The following PHF21A variants were observed in gnomAD, a reference collection of about 807,000 sequenced individuals.
The protein encoded by PHF21A is PHD finger protein 21A.
In PHF21A, 11 loss-of-function variants were observed where a neutral mutation model predicts 82.5. The observed-to-expected ratio is 0.13, with a 90% confidence interval of 0.08 to 0.22. PHF21A has a LOEUF of 0.22. Among genes scored for constraint, PHF21A ranks in the 10% least tolerant of loss-of-function variants. PHF21A has a pLI of 1.00. For missense variants in PHF21A, 579 were observed against 837.8 expected (o/e 0.69, Z 3.81); for synonymous variants, 297 against 302.8 (o/e 0.98, Z 0.20).
At chr11:46,002,057 A>C (rs1301257619) in intron 6 of PHF21A, among the ~76,000 whole-genome samples, 1 of 152,236 alleles carries the variant, frequency 6.6e-6, no homozygotes, top group Non-Finnish European at 1.5e-5. Context: ...GACTATTTTT[A>C]GTGAAAACAA....
intron 6 of PHF21A, among the ~76,000 whole-genome samples, chr11:46,021,936 G>A (rs2095640442): frequency 1.3e-5 from 2 of 152,030 alleles, no homozygotes; most frequent in Non-Finnish European, 1.5e-5. Context: ...AACCACCATG[G>A]GAACAGAAAA....
At position 45,987,778 on chromosome 11, in the gene PHF21A, C is replaced by G. The variant is rs567482049; in HGVS notation, c.154-7812G>C. ...AGCTCCAATAGAGCAAAACGTCTGT[C>G]CCTCTGTAACTGTCTGTTTACAGAA... On this transcript the variant is annotated intron_variant, in intron 6 of 18. Coordinates refer to ENST00000676320, the MANE Select transcript of PHF21A (RefSeq NM_001352027.3). Among the ~76,000 whole-genome samples, 6 of 151,748 alleles carry G rather than the reference C, an allele frequency of 4.0e-5. No homozygotes were observed. The East Asian group carries it at 1.2e-3, about 29-fold the overall frequency.
intron 6 of PHF21A, among the ~76,000 whole-genome samples, chr11:45,994,907 A>G (rs1263461642): frequency 6.6e-6 from 1 of 152,148 alleles, no homozygotes; most frequent in East Asian, 1.9e-4. Flanking sequence ...TCTGTGCTGC[A>G]TTTTCCTTAC....
rs1392986227 is a variant in PHF21A, at chr11:45,933,901, T to A, written c.*67A>T. The A allele has an allele frequency of 1.6e-5, 23 of 1,420,622 alleles. No individual in the cohort carries two copies. The highest frequency in any genetic ancestry group is 4.6e-5 in the South Asian group (3 of 64,892). 88.0% of individuals were successfully genotyped at this position (1,420,622 alleles called of 1,614,324 possible). ...CTTTCCAGAAATCCGGCTTTGCTTT[T>A]CTAGAGTCTTCAGTGTTCTGTTCTC... On this transcript the variant is annotated 3_prime_UTR_variant, in exon 19 of 19. Coordinates refer to ENST00000676320, the MANE Select transcript of PHF21A (RefSeq NM_001352027.3).
chr11:46,093,405 G>A (rs779343851), intron 1 of PHF21A, among the ~76,000 whole-genome samples: 3 of 152,096 alleles, frequency 2.0e-5, no homozygotes, highest in African/African-American at 4.8e-5. Context: ...CCAAACATAC[G>A]ATAAAATTAT....
intron 15 of PHF21A, among the ~76,000 whole-genome samples, chr11:45,939,307 C>A (rs2089874617): frequency 6.6e-6 from 1 of 152,136 alleles, no homozygotes; most frequent in Non-Finnish European, 1.5e-5. Flanking sequence ...ATGATACAAA[C>A]AATTCTCATC....
intron 18 of PHF21A, chr11:45,935,217 C>A: frequency 7.7e-7 from 1 of 1,292,978 alleles, no homozygotes; most frequent in Non-Finnish European, 1.0e-6. Flanking sequence ...CGAGGGAGGG[C>A]CGTACGGATG....
intron 1 of PHF21A, among the ~76,000 whole-genome samples, chr11:46,107,460 A>T (rs2097164682): frequency 6.6e-6 from 1 of 152,222 alleles, no homozygotes; most frequent in African/African-American, 2.4e-5. Context: ...TACCAATGAG[A>T]AAAACTAAAC....
chr11:46,080,936 T>C (rs190670915), intron 4 of PHF21A, among the ~76,000 whole-genome samples: 5 of 152,218 alleles, frequency 3.3e-5, no homozygotes, highest in Non-Finnish European at 7.4e-5. Flanking sequence ...GTAGCTGAGA[T>C]TACAGGCGTA....
chr11:46,110,908 C>T (rs2097205618), intron 1 of PHF21A, among the ~76,000 whole-genome samples: 1 of 151,654 alleles, frequency 6.6e-6, no homozygotes, highest in Admixed American at 6.6e-5. Context: ...GCCTCAGCCT[C>T]CCGAGTAGCT....
intron 6 of PHF21A, among the ~76,000 whole-genome samples, chr11:45,981,940 C>CTTTTCTTTT (rs2094307533): frequency 1.3e-5 from 1 of 78,268 alleles, no homozygotes; most frequent in African/African-American, 4.9e-5. Context: ...TTTTGTTTTT[C>CTTTTCTTTT]TTTTTTTTTT....
At chr11:46,014,473 A>G (rs772717160) in intron 6 of PHF21A, among the ~76,000 whole-genome samples, 1 of 152,216 alleles carries the variant, frequency 6.6e-6, no homozygotes, top group Non-Finnish European at 1.5e-5. Flanking sequence ...CAATGAACAT[A>G]CAAGTGCAAG....
intron 1 of PHF21A, among the ~76,000 whole-genome samples, chr11:46,102,483 T>C (rs1183250080): frequency 6.6e-6 from 1 of 152,246 alleles, no homozygotes; most frequent in East Asian, 1.9e-4. Flanking sequence ...AAAGAAAGCC[T>C]AGTCTTCTCA....
intron 6 of PHF21A, among the ~76,000 whole-genome samples, chr11:46,076,030 G>T (rs746342972): frequency 2.6e-5 from 4 of 152,136 alleles, no homozygotes; most frequent in Non-Finnish European, 5.9e-5. Flanking sequence ...GAGAGTGGTG[G>T]GGAAGAAACA....
chr11:46,032,900 A>G (rs1472981171), intron 6 of PHF21A, among the ~76,000 whole-genome samples: 3 of 152,222 alleles, frequency 2.0e-5, no homozygotes, highest in East Asian at 3.8e-4. Flanking sequence ...ATATGAATGT[A>G]TAAGTATGTA....
At chr11:46,089,315 T>A (rs1268185122) in intron 3 of PHF21A, among the ~76,000 whole-genome samples, 1 of 152,152 alleles carries the variant, frequency 6.6e-6, no homozygotes, top group African/African-American at 2.4e-5. Flanking sequence ...TAAAATAATA[T>A]CTTTATTAGC....
chr11:46,053,587 A>G (rs1232400627), intron 6 of PHF21A, among the ~76,000 whole-genome samples: 2 of 152,040 alleles, frequency 1.3e-5, no homozygotes, highest in African/African-American at 4.8e-5. Flanking sequence ...ATGGCTCAGC[A>G]TGGGGTTCTA....
chr11:46,070,047 C>A (rs2096638229), intron 6 of PHF21A, among the ~76,000 whole-genome samples: 7 of 152,194 alleles, frequency 4.6e-5, no homozygotes, highest in Admixed American at 4.6e-4. Context: ...ATCAACAAGT[C>A]TATTACAGAG....
intron 10 of PHF21A, 132 bp from the exon 11 acceptor site, chr11:45,953,757 G>C: frequency 1.6e-6 from 1 of 631,968 alleles, no homozygotes. Context: ...TTAATAAAAA[G>C]GTTAGTATTA....
Sources: gnomAD v4.1 joint callset for allele counts (sites outside exome capture counted in the v4.1 genomes callset) on GRCh38, gnomAD v4.1.1 for gene constraint, MANE v1.5 for transcripts, NCBI Gene and HGNC (gene_info 2026-07-23, HGNC 2026-07-21) for gene names.